Variants in FUT8 observed in about 807,000 individuals in gnomAD.
FUT8 encodes the protein fucosyltransferase 8.
A neutral mutation model predicts 71.3 loss-of-function variants in FUT8; 29 were observed. The observed-to-expected ratio is 0.41, with a 90% CI of 0.30 to 0.55. FUT8 has a LOEUF of 0.55. Among genes scored for constraint, FUT8 ranks in the 20% least tolerant of loss-of-function variants. The pLI, the probability that FUT8 is intolerant of heterozygous loss-of-function variation, is 0.34. For synonymous variants in FUT8, 254 were observed against 239.3 expected (o/e 1.06, Z -0.57); for missense variants, 544 against 702.1 (o/e 0.77, Z 2.55).
chr14:65,539,346 GA>G (rs1884539774), intron 2 of FUT8, among the ~76,000 whole-genome samples: 2 of 152,140 alleles, frequency 1.3e-5, no homozygotes, highest in South Asian at 4.1e-4. Flanking sequence ...GTGTTTCTTT[GA>G]TTCATTTGAA....
At chr14:65,553,691 A>G (rs1566818425) in intron 2 of FUT8, among the ~76,000 whole-genome samples, 1 of 151,590 alleles carries the variant, frequency 6.6e-6, no homozygotes, top group Non-Finnish European at 1.5e-5. Flanking sequence ...GAAAGGTATT[A>G]TCTAGAATGC....
Position 65,625,683 on chromosome 14 carries a change from G to A in FUT8, c.483-3809G>A, listed in dbSNP as rs1889861199. 2.6e-5 allele frequency among the ~76,000 whole-genome samples: 4 copies of A among 152,210 alleles called. No homozygotes were observed. The South Asian group carries it at 6.2e-4, about 24-fold the overall frequency. On this transcript the variant is annotated intron_variant, in intron 5 of 10. Coordinates refer to ENST00000673929, the MANE Select transcript of FUT8 (RefSeq NM_001371533.1). The stretch of plus-strand genomic sequence containing the variant: ...TTGACACATGAAACAAATGTCTAAA[G>A]TGCTTCACAAATGGAACTGTTGTTC...
chr14:65,649,037 G>A (rs565498146), intron 6 of FUT8, among the ~76,000 whole-genome samples: 4 of 152,310 alleles, frequency 2.6e-5, no homozygotes, highest in Middle Eastern at 3.4e-3. Context: ...ACTATTCCAT[G>A]TATTTTCCGT....
the FUT8 span, among the ~76,000 whole-genome samples, chr14:65,372,857 G>C: frequency 6.6e-6 from 1 of 151,958 alleles, no homozygotes; most frequent in South Asian, 2.1e-4. Context: ...ACTCTTACTT[G>C]CTTTTGGTCT....
chr14:65,518,360 T>G (rs1010516303), intron 2 of FUT8, among the ~76,000 whole-genome samples: 10 of 152,128 alleles, frequency 6.6e-5, no homozygotes, highest in Non-Finnish European at 5.9e-5. Context: ...TGGCTCCCCA[T>G]AGTGAGCTTG....
the FUT8 span, among the ~76,000 whole-genome samples, chr14:65,401,179 C>T: frequency 1.6e-4 from 25 of 152,202 alleles, no homozygotes; most frequent in African/African-American, 5.3e-4. Flanking sequence ...TGAGGACTGA[C>T]GCTGAACTGA....
chr14:65,701,352 T>C (rs1594914854), intron 7 of FUT8, among the ~76,000 whole-genome samples: 1 of 152,310 alleles, frequency 6.6e-6, no homozygotes, highest in East Asian at 1.9e-4. Context: ...AGTGTTTAAA[T>C]AGATAATAGG....
rs574577192 is a variant in FUT8, at chr14:65,561,484, G to C, written c.-80G>C. Reference sequence around the variant, plus strand: ...AAACAACAGAAGTCTATTCACCTGTGCACTAACTAGAAACAGAGTTACAAT... The same window carrying C: ...AAACAACAGAAGTCTATTCACCTGTCCACTAACTAGAAACAGAGTTACAAT... On this transcript the variant is annotated 5_prime_UTR_variant, in exon 3 of 11. Coordinates refer to ENST00000673929, the MANE Select transcript of FUT8 (RefSeq NM_001371533.1). 1 of 1,299,908 alleles carries C rather than the reference G, an allele frequency of 7.7e-7. No individual in the cohort carries two copies. The highest frequency in any genetic ancestry group is 2.3e-5 in the East Asian group (1 of 43,314). The allele number at this position is 1,299,908 out of a possible 1,614,324, so 80.5% of individuals were successfully genotyped here.
At position 65,638,723 on chromosome 14, in the gene FUT8, A is replaced by T. The variant is rs887233950; in HGVS notation, c.597+9117A>T. Among the ~76,000 whole-genome samples, 1 of 152,150 alleles carries T rather than the reference A, an allele frequency of 6.6e-6. No individual in the cohort carries two copies. The highest frequency in any genetic ancestry group is 1.5e-5 in the Non-Finnish European group (1 of 68,024). On this transcript the variant is annotated intron_variant, in intron 6 of 10. Coordinates refer to ENST00000673929, the MANE Select transcript of FUT8 (RefSeq NM_001371533.1). The surrounding 1 kb of genome is among the most constrained non-coding windows in gnomAD (Gnocchi z 4.5). ...TGACAGGACTAATTCGTTAAGATAG[A>T]TTTAAAGCCAGAATATAACTATATA...
At chr14:65,425,321 A>G (rs922524738) in intron 1 of FUT8, among the ~76,000 whole-genome samples, 5 of 151,824 alleles carry the variant, frequency 3.3e-5, no homozygotes, top group African/African-American at 1.2e-4. Context: ...ATGCACCACC[A>G]CACCCAGCTA....
At chr14:65,609,812 T>C (rs10483781) in intron 3 of FUT8, among the ~76,000 whole-genome samples, 5,281 of 152,048 alleles carry the variant, frequency 0.035, 210 homozygotes, top group Middle Eastern at 0.1. Flanking sequence ...TATCTTTTTC[T>C]GATTTGTATT....
chr14:65,647,536 A>C (rs17779210), intron 6 of FUT8, among the ~76,000 whole-genome samples: 7,612 of 152,266 alleles, frequency 0.05, 260 homozygotes, highest in Admixed American at 0.11. Context: ...TGTGCTAAGT[A>C]GATTAAAACT....
At chr14:65,608,235 T>C (rs376768677) in intron 3 of FUT8, among the ~76,000 whole-genome samples, 2 of 151,920 alleles carry the variant, frequency 1.3e-5, no homozygotes, top group Admixed American at 6.6e-5. Context: ...ATTTTTGATA[T>C]GTTTTAAAAT....
chr14:65,616,196 A>T lies in FUT8; in HGVS notation c.320-15A>T, dbSNP rs768675915. The T allele has an allele frequency of 3.1e-6, 5 of 1,600,378 alleles. No homozygotes were observed. The highest frequency in any genetic ancestry group is 2.6e-6 in the Non-Finnish European group (3 of 1,174,062). On this transcript the variant is annotated splice_polypyrimidine_tract_variant and intron_variant, in intron 4 of 10. Coordinates refer to ENST00000673929, the MANE Select transcript of FUT8 (RefSeq NM_001371533.1). Reference sequence around the variant, plus strand: ...AATGTTGGAAATGCTACAACTCTCTATTCTTTGACTACAGGTCTGGGGAAG... The same window carrying T: ...AATGTTGGAAATGCTACAACTCTCTTTTCTTTGACTACAGGTCTGGGGAAG...
At chr14:65,481,355 C>G (rs1451309828) in intron 2 of FUT8, among the ~76,000 whole-genome samples, 1 of 151,978 alleles carries the variant, frequency 6.6e-6, no homozygotes, top group Non-Finnish European at 1.5e-5. Context: ...CACGTGAACT[C>G]CTTTTTAAGT....
At chr14:65,521,868 CT>C (rs71126758) in intron 2 of FUT8, among the ~76,000 whole-genome samples, 51,091 of 144,040 alleles carry the variant, frequency 0.35, 10,712 homozygotes, top group Non-Finnish European at 0.49. Flanking sequence ...GAATCTTCTT[CT>C]TTTTTTTTTT....
Position 65,722,010 on chromosome 14 carries a change from TC to T in FUT8, c.1073del (p.Pro358GlnfsTer57), listed in dbSNP as rs1251961204. ...EATKKLGFKH[P>X]VIGVHVRRTD... ...CCACCAAGAAGCTTGGCTTCAAACA[TC>T]CAGTTATTGGGTAAGAATCTGATTT... On this transcript the variant is annotated frameshift_variant, in exon 8 of 11. Coordinates refer to ENST00000673929, the MANE Select transcript of FUT8 (RefSeq NM_001371533.1). LOFTEE classifies it high-confidence loss of function. 1 of 1,613,920 alleles carries T rather than the reference TC, an allele frequency of 6.2e-7. No individual in the cohort carries two copies. The highest frequency in any genetic ancestry group is 8.5e-7 in the Non-Finnish European group (1 of 1,179,994).
intron 5 of FUT8, among the ~76,000 whole-genome samples, chr14:65,628,301 G>A (rs1183219818): frequency 6.6e-6 from 1 of 152,206 alleles, no homozygotes; most frequent in East Asian, 1.9e-4. Flanking sequence ...TTAGGTCAAA[G>A]TAGTAATTTT....
At chr14:65,403,876 G>T in the FUT8 span, among the ~76,000 whole-genome samples, 104,152 of 151,782 alleles carry the variant, frequency 0.69, 35,987 homozygotes, top group East Asian at 0.86. Flanking sequence ...TCTTTCAAGA[G>T]CCTTTCTAGA....
Sources: gnomAD v4.1 joint callset for allele counts (sites outside exome capture counted in the v4.1 genomes callset) on GRCh38, gnomAD v4.1.1 for gene constraint, Gnocchi (gnomAD v3.1) non-coding constraint, MANE v1.5 for transcripts, NCBI Gene and HGNC (gene_info 2026-07-23, HGNC 2026-07-21) for gene names.